Variants in ZNF99 observed in about 807,000 individuals in gnomAD.
ZNF99 encodes the protein zinc finger protein 99, also known as zinc finger protein ENSP00000375192.
A neutral mutation model predicts 12.8 loss-of-function variants in ZNF99; 8 were observed. The observed-to-expected ratio is 0.62, with a 90% confidence interval of 0.37 to 1.13. The LOEUF is 1.13. Ranked by LOEUF, ZNF99 falls within the 50% of genes most tolerant of loss-of-function variation. The pLI is 0.02. For synonymous variants in ZNF99, 318 were observed against 319.0 expected (o/e 1.00, Z 0.03); for missense variants, 1,007 against 1,006.2 (o/e 1.00, Z -0.01).
intron 3 of ZNF99, among the ~76,000 whole-genome samples, chr19:22,763,514 T>TG (rs2145147288): frequency 1.3e-5 from 2 of 152,314 alleles, no homozygotes; most frequent in Admixed American, 1.3e-4. Flanking sequence ...TCCACGTTCA[T>TG]GGATAGGTAG....
At chr19:22,780,660 C>T (rs999559529) in intron 1 of ZNF99, among the ~76,000 whole-genome samples, 6 of 146,844 alleles carry the variant, frequency 4.1e-5, no homozygotes, top group South Asian at 2.1e-4. Context: ...CATTGCACTC[C>T]AGCCTGGGCA....
rs140912526 is a variant in ZNF99, at chr19:22,758,164, C to A, written c.1745G>T (p.Arg582Ile). Residue 582 changes from arginine (R) to isoleucine (I), a missense_variant, in exon 4 of 4, where the codon AGA becomes ATA. Transcript: ENST00000596209. ...CTCCCCAGTATGAATTGCTTTATGT[C>A]TAGTAAGATGTGAAGATTGCTTAAA... is the stretch of plus-strand genomic sequence containing the variant. Reference protein sequence around the residue: ...KAFKQSSHLTRHKAIHTGEKP... With the variant: ...KAFKQSSHLTIHKAIHTGEKP... 4 of 1,607,060 alleles carry A rather than the reference C, an allele frequency of 2.5e-6. No homozygotes were observed. The highest frequency in any genetic ancestry group is 3.4e-6 in the Non-Finnish European group (4 of 1,177,966).
rs1184345492 is a variant in ZNF99, at chr19:22,757,849, T to G, written c.2060A>C (p.Asn687Thr). 6.2e-7 allele frequency: 1 copy of G among 1,611,614 alleles called. No individual in the cohort carries two copies. The highest frequency in any genetic ancestry group is 1.1e-5 in the South Asian group (1 of 90,986). The change falls in exon 4 of 4, where the codon AAC becomes ACC. Residue 687 changes from asparagine to threonine, a missense_variant. Asn to Thr is a moderately conservative substitution (Grantham distance 65, BLOSUM62 0). Coordinates refer to ENST00000596209, the MANE Select transcript of ZNF99 (RefSeq NM_001080409.3). ...ATGTTTCCTAAGGGCTGAGAAATGG[T>G]TAAAAGCCTTGCCACATTCTTCACA... ...YKCEECGKAF[N>T]HFSALRKHKI... is the part of the protein sequence containing the mutation.
chr19:22,758,678 T>C lies in ZNF99; in HGVS notation c.1231A>G (p.Lys411Glu), dbSNP rs777283417. ...TGAATTACCTTATGTACAGTAAGTT[T>C]TGAGGACCACTTAAAAGCTTTACCA... ...ECGKAFKWSS[K>E]LTVHKVIHTA... is the part of the protein sequence containing the mutation. Residue 411 changes from lysine to glutamate, a missense_variant, in exon 4 of 4, where the codon AAA becomes GAA. Coordinates refer to ENST00000596209, the MANE Select transcript of ZNF99 (RefSeq NM_001080409.3). The C allele has an allele frequency of 6.8e-6, 11 of 1,612,500 alleles. No individual in the cohort carries two copies. The East Asian group carries it at 2.2e-4, about 33-fold the overall frequency.
rs999546141 is a variant in ZNF99, at chr19:22,752,784, A to G, written c.*4530T>C. ...TTATGAATGTACTACATTACATAAA[A>G]GCACAACTAATATAATACATCACTA... is the stretch of plus-strand genomic sequence containing the variant. On this transcript the variant is annotated 3_prime_UTR_variant, in exon 4 of 4. Transcript: ENST00000596209. The G allele has an allele frequency of 5.3e-5, 8 of 151,802 alleles. No homozygotes were observed. The highest frequency in any genetic ancestry group is 1.0e-4 in the Non-Finnish European group (7 of 68,000). 9.4% of individuals were successfully genotyped at this position (151,802 alleles called of 1,614,324 possible). A position where few individuals can be genotyped will look rare whatever the true frequency, so the allele number is the denominator to read the frequency against.
At chr19:22,764,355 G>A (rs79996992) in intron 3 of ZNF99, among the ~76,000 whole-genome samples, 5,537 of 152,140 alleles carry the variant, frequency 0.036, 336 homozygotes, top group African/African-American at 0.13. Context: ...AAAAATTCTA[G>A]AACATTGGAA....
At position 22,756,252 on chromosome 19, in the gene ZNF99, A is replaced by T. The variant is rs551366239; in HGVS notation, c.*1062T>A. ...ATTATCTTATGTTTAGTAAGGGCTGAAAGATGGTTAAAAGCTTTGCCACAT... is the reference window on the plus strand; with the variant it reads ...ATTATCTTATGTTTAGTAAGGGCTGTAAGATGGTTAAAAGCTTTGCCACAT... On this transcript the variant is annotated 3_prime_UTR_variant, in exon 4 of 4. Coordinates refer to ENST00000596209, the MANE Select transcript of ZNF99 (RefSeq NM_001080409.3). 1.9e-6 allele frequency: 3 copies of T among 1,575,740 alleles called. No homozygotes were observed. The highest frequency in any genetic ancestry group is 2.6e-6 in the Non-Finnish European group (3 of 1,161,900).
intron 3 of ZNF99, 69 bp downstream of exon 3, chr19:22,768,236 G>C: frequency 6.5e-7 from 1 of 1,530,108 alleles, no homozygotes; most frequent in South Asian, 1.1e-5. Flanking sequence ...GTCACATTTT[G>C]AGAACTGGCT....
Position 22,759,610 on chromosome 19 carries a change from A to G in ZNF99, c.299T>C (p.Leu100Ser). ...ATGTCCACATCTTGCATATGTTCTC[A>G]ATATTATTTCTTGGAAAGAATCTTT... Reference protein sequence around the residue: ...SIKDSFQEIILRTYARCGHKN... With the variant: ...SIKDSFQEIISRTYARCGHKN... The change falls in exon 4 of 4, where the codon TTG (leucine) becomes TCG (serine). Residue 100 changes from leucine (L) to serine (S), a missense_variant. Transcript: ENST00000596209. 1 of 1,599,824 alleles carries G rather than the reference A, an allele frequency of 6.3e-7. No individual in the cohort carries two copies. Among genetic ancestry groups the G allele is most frequent in the Non-Finnish European group, 8.5e-7 (1 of 1,176,334 alleles).
intron 1 of ZNF99, among the ~76,000 whole-genome samples, chr19:22,779,649 A>C (rs1401342681): frequency 6.6e-6 from 1 of 152,260 alleles, no homozygotes; most frequent in Non-Finnish European, 1.5e-5. Context: ...AGCTACCCTC[A>C]GTCTGAGTCA....
chr19:22,755,912 C>T lies in ZNF99; in HGVS notation c.*1402G>A, dbSNP rs536907486. 84 of 354,532 alleles carry T rather than the reference C, an allele frequency of 2.4e-4. No homozygotes were observed. Among genetic ancestry groups the T allele is most frequent in the African/African-American group, 1.6e-3 (78 of 47,520 alleles). 22.0% of individuals were successfully genotyped at this position (354,532 alleles called of 1,614,324 possible). A position where few individuals can be genotyped will look rare whatever the true frequency, so the allele number is the denominator to read the frequency against. On this transcript the variant is annotated 3_prime_UTR_variant, in exon 4 of 4. Coordinates refer to ENST00000596209, the MANE Select transcript of ZNF99 (RefSeq NM_001080409.3). ...GGAATTCTCTCATTTTGAGTAACAG[C>T]TGAGCAATGGTTAAAAGCTTTGTCA...
In ZNF99 at chr19:22,777,921, G is replaced by C. The variant is rs75636049; in HGVS notation, c.3+6093C>G. Among the ~76,000 whole-genome samples the C allele has an allele frequency of 4.6e-3, 690 of 150,240 alleles. 2 individuals are homozygous for C. Among genetic ancestry groups the C allele is most frequent in the African/African-American group, 0.016 (663 of 40,888 alleles). ...TGTGATGGCAGCAGTGGAAAAAGGC[G>C]GTCTGTTCGCATATTCTCACTCATA... On this transcript the variant is annotated intron_variant, in intron 1 of 3. Transcript: ENST00000596209.
intron 1 of ZNF99, among the ~76,000 whole-genome samples, chr19:22,775,889 G>A (rs568312855): frequency 1.0e-3 from 159 of 152,186 alleles, no homozygotes; most frequent in African/African-American, 3.8e-3. Context: ...GGGCGTGGTG[G>A]TAGGCACCTG....
chr19:22,756,156 T>C lies in ZNF99; in HGVS notation c.*1158A>G. The C allele has an allele frequency of 6.6e-7, 1 of 1,521,458 alleles. No individual in the cohort carries two copies. The highest frequency in any genetic ancestry group is 8.9e-7 in the Non-Finnish European group (1 of 1,125,220). 94.2% of individuals were successfully genotyped at this position (1,521,458 alleles called of 1,614,324 possible). ...TCTCTAGTATAAATTATCTTATGTG[T>C]ATTAAGGTTTGTAAAATGGTTGAAA... is the stretch of plus-strand genomic sequence containing the variant. On this transcript the variant is annotated 3_prime_UTR_variant, in exon 4 of 4. Coordinates refer to ENST00000596209, the MANE Select transcript of ZNF99 (RefSeq NM_001080409.3).
At chr19:22,781,773 T>C (rs1252454106) in intron 1 of ZNF99, among the ~76,000 whole-genome samples, 1 of 152,140 alleles carries the variant, frequency 6.6e-6, no homozygotes, top group Non-Finnish European at 1.5e-5. Context: ...GGAGCTGATA[T>C]TCACTAGACA....
chr19:22,781,991 T>C (rs34627660), intron 1 of ZNF99, among the ~76,000 whole-genome samples: 15,681 of 149,932 alleles, frequency 0.1, 1,844 homozygotes, highest in African/African-American at 0.29. Flanking sequence ...TACAACACAG[T>C]GTCAGGGGAT....
In ZNF99 at chr19:22,767,328, G is replaced by C. The variant is rs571719798; in HGVS notation, c.226+977C>G. Among the ~76,000 whole-genome samples, 229 of 152,192 alleles carry C rather than the reference G, an allele frequency of 1.5e-3. 1 individual carries two copies. The highest frequency in any genetic ancestry group is 5.3e-3 in the African/African-American group (220 of 41,536). ...AAAGGAAAAGAAAGAAGATGCCTGA[G>C]TGGCTTAAGAAAAGAAGCATACAAT... On this transcript the variant is annotated intron_variant, in intron 3 of 3. Transcript: ENST00000596209.
chr19:22,769,831 G>A, intron 1 of ZNF99: 2 of 1,281,324 alleles, frequency 1.6e-6, no homozygotes, highest in Non-Finnish European at 2.0e-6. Context: ...GAGAAAAAAA[G>A]AATGGCAGAA....
intron 3 of ZNF99, among the ~76,000 whole-genome samples, chr19:22,762,520 T>C (rs1973160907): frequency 6.6e-6 from 1 of 151,936 alleles, no homozygotes; most frequent in Non-Finnish European, 1.5e-5. Flanking sequence ...AAAAAATGTC[T>C]AGGACCAGAC....
Sources: allele counts gnomAD v4.1 joint callset (sites outside exome capture counted in the v4.1 genomes callset), GRCh38; gene constraint gnomAD v4.1.1; transcripts MANE v1.5; gene names NCBI Gene and HGNC (gene_info 2026-07-23, HGNC 2026-07-21).